Variants in ADH6 observed in about 807,000 individuals in gnomAD.
ADH6 encodes the protein alcohol dehydrogenase 6 (class V).
A neutral mutation model predicts 36.5 loss-of-function variants in ADH6; 34 were observed. The ratio of observed to expected loss-of-function variants is 0.93; its 90% CI spans 0.71 to 1.24. ADH6 has a LOEUF of 1.24. ADH6 is among the 50% of genes most tolerant of loss of function. The probability of loss-of-function intolerance (pLI) is 0.00; values close to 1 mark genes in which losing one functional copy is unlikely to be tolerated. For missense variants in ADH6, 440 were observed against 447.0 expected, an observed-to-expected ratio of 0.98 and a Z score of 0.14; for synonymous variants, 161 against 155.5, an observed-to-expected ratio of 1.04 and a Z score of -0.26.
intron 7 of ADH6, among the ~76,000 whole-genome samples, chr4:99,206,615 G>C (rs1213961124): frequency 6.7e-6 from 1 of 150,044 alleles, no homozygotes; most frequent in Non-Finnish European, 1.5e-5. Context: ...CTTTATAAAT[G>C]AATTAGGTAA....
At position 99,203,296 on chromosome 4, in the gene ADH6, C is replaced by T. The variant is rs1049789770; in HGVS notation, c.*923G>A. The T allele has an allele frequency of 6.6e-6, 1 of 151,742 alleles. No individual in the cohort carries two copies. Among genetic ancestry groups the T allele is most frequent in the Non-Finnish European group, 1.5e-5 (1 of 68,008 alleles). 9.4% of individuals were successfully genotyped at this position (151,742 alleles called of 1,614,324 possible). On this transcript the variant is annotated 3_prime_UTR_variant, in exon 9 of 9. Coordinates refer to ENST00000394899, the MANE Select transcript of ADH6 (RefSeq NM_001102470.2). ...AAGAGGAAGGGAAGGAAGTCATATC[C>T]CAAGAGGGCACTTAACCTTAGTCCT...
At chr4:99,214,446 T>C (rs1300055077) in intron 2 of ADH6, among the ~76,000 whole-genome samples, 1 of 152,174 alleles carries the variant, frequency 6.6e-6, no homozygotes, top group Admixed American at 6.5e-5. Context: ...GGAATAATGT[T>C]TCCTATTATA....
At chr4:99,210,699 C>A (rs1731194562) in intron 3 of ADH6, among the ~76,000 whole-genome samples, 197 bp from the exon 4 acceptor site, 1 of 152,156 alleles carries the variant, frequency 6.6e-6, no homozygotes, top group Non-Finnish European at 1.5e-5. Context: ...CTGGGCCCAG[C>A]CCTGGGCTCA....
chr4:99,216,135 A>ATTTTTTT (rs34008565), intron 2 of ADH6, 26 bp downstream of exon 2: 24 of 865,276 alleles, frequency 2.8e-5, no homozygotes, highest in East Asian at 1.4e-4. Context: ...TTTTGGTGTG[A>ATTTTTTT]TTTTTTTTTT....
intron 2 of ADH6, among the ~76,000 whole-genome samples, chr4:99,214,202 GCAAAATAGTGAGACCTC>G (rs1731322036): frequency 6.6e-6 from 1 of 152,144 alleles, no homozygotes; most frequent in South Asian, 2.1e-4. Flanking sequence ...ATCAGCCTGG[GCAAAATAGTGAGACCTC>G]CATCTCTACA....
chr4:99,209,267 C>T (rs994903727), intron 5 of ADH6, among the ~76,000 whole-genome samples: 4 of 152,100 alleles, frequency 2.6e-5, no homozygotes, highest in Admixed American at 2.6e-4. Context: ...TTAAAATTAT[C>T]TCTATCTTCC....
intron 5 of ADH6, among the ~76,000 whole-genome samples, chr4:99,209,824 T>C (rs1731160445): frequency 6.6e-6 from 1 of 152,160 alleles, no homozygotes; most frequent in South Asian, 2.1e-4. Flanking sequence ...ATGTTAGATT[T>C]AATTTCCAGT....
intron 7 of ADH6, among the ~76,000 whole-genome samples, chr4:99,206,846 C>A (rs1731053640): frequency 6.6e-6 from 1 of 151,988 alleles, no homozygotes; most frequent in Non-Finnish European, 1.5e-5. Flanking sequence ...AGTTTGTCTT[C>A]TACTTTTTCA....
In ADH6 at chr4:99,219,174, T is replaced by C; in HGVS notation, c.-22A>G. ...TCATGCTGATTTTCTCCACCGCAGA[T>C]GAATTTATTGAGAAAGGGAGATCCT... On this transcript the variant is annotated 5_prime_UTR_variant, in exon 1 of 9. Coordinates refer to ENST00000394899, the MANE Select transcript of ADH6 (RefSeq NM_001102470.2). 1 of 1,608,026 alleles carries C rather than the reference T, an allele frequency of 6.2e-7. No homozygotes were observed. Among genetic ancestry groups the C allele is most frequent in the Non-Finnish European group, 8.5e-7 (1 of 1,174,692 alleles).
intron 2 of ADH6, among the ~76,000 whole-genome samples, chr4:99,215,357 T>C (rs1273510564): frequency 1.3e-5 from 2 of 152,244 alleles, no homozygotes; most frequent in Non-Finnish European, 2.9e-5. Context: ...CAAAGGACTC[T>C]GAACTGCAAG....
At chr4:99,205,984 T>A (rs1325894396) in intron 7 of ADH6, among the ~76,000 whole-genome samples, 1 of 152,196 alleles carries the variant, frequency 6.6e-6, no homozygotes, top group Non-Finnish European at 1.5e-5. Context: ...TAACCAAGAA[T>A]ACTAATTACT....
intron 8 of ADH6, 94 bp from the exon 9 acceptor site, chr4:99,204,337 TAG>T: frequency 6.6e-7 from 1 of 1,524,412 alleles, no homozygotes; most frequent in Non-Finnish European, 8.7e-7. Flanking sequence ...AGCAGTAAAC[TAG>T]ATTTTTTTTC....
intron 1 of ADH6, among the ~76,000 whole-genome samples, chr4:99,218,772 T>G (rs1184378981): frequency 6.6e-6 from 1 of 152,224 alleles, no homozygotes; most frequent in African/African-American, 2.4e-5. Context: ...GAAGCCAAGC[T>G]GGGTTATGAG....
In ADH6 at chr4:99,202,647, G is replaced by GGAACCGA; in HGVS notation, c.*1565_*1571dup. 7.5e-6 allele frequency: 3 copies of GGAACCGA among 397,522 alleles called. No homozygotes were observed. The East Asian group carries it at 1.1e-4, about 14-fold the overall frequency. The allele number at this position is 397,522 out of a possible 1,614,324, so 24.6% of individuals were successfully genotyped here. A position where few individuals can be genotyped will look rare whatever the true frequency, so the allele number is the denominator to read the frequency against. On this transcript the variant is annotated 3_prime_UTR_variant, in exon 9 of 9. Coordinates refer to ENST00000394899, the MANE Select transcript of ADH6 (RefSeq NM_001102470.2). ...TAACAAGACATTCAAAGTGGCTTAAGGAACCGAGCTTTATTGGAGCAAAGA... is the reference window on the plus strand; with the variant it reads ...TAACAAGACATTCAAAGTGGCTTAAGGAACCGAGAACCGAGCTTTATTGGAGCAAAGA...
chr4:99,210,239 G>A lies in ADH6; in HGVS notation c.410C>T (p.Ser137Leu). 6.2e-7 allele frequency: 1 copy of A among 1,613,698 alleles called. No homozygotes were observed. Among genetic ancestry groups the A allele is most frequent in the Non-Finnish European group, 8.5e-7 (1 of 1,179,838 alleles). ...GTSRFTCKGK[S>L]IYHFGNTSTF... ...GCTGGTATTACCAAAGTGATATATTGATTTTCCCTTGCAGGTAAACCTGCT... is the reference window on the plus strand; with the variant it reads ...GCTGGTATTACCAAAGTGATATATTAATTTTCCCTTGCAGGTAAACCTGCT... The change falls in exon 5 of 9, where the codon TCA becomes TTA. Residue 137 changes from serine to leucine, a missense_variant. Transcript: ENST00000394899.
At chr4:99,206,450 A>G (rs1731037237) in intron 7 of ADH6, among the ~76,000 whole-genome samples, 1 of 152,138 alleles carries the variant, frequency 6.6e-6, no homozygotes, top group African/African-American at 2.4e-5. Context: ...TTGAATTAAC[A>G]TTATCATCTA....
Position 99,213,607 on chromosome 4 carries a change from T to C in ADH6, c.261A>G (p.Pro87=). ...SIGEGVSTVK[P]GDKVITLFLP... Reference sequence around the variant, plus strand: ...CTATTACCAGGTGCTAATTCCTACCTGGTTTCACTGTGCTTACTCCTTCTC... The same window carrying C: ...CTATTACCAGGTGCTAATTCCTACCCGGTTTCACTGTGCTTACTCCTTCTC... Residue 87 remains proline (P), a splice_region_variant and synonymous_variant, in exon 3 of 9, where the codon CCA becomes CCG. Transcript: ENST00000394899. The C allele has an allele frequency of 6.3e-7, 1 of 1,599,868 alleles. No individual in the cohort carries two copies. Among genetic ancestry groups the C allele is most frequent in the South Asian group, 1.1e-5 (1 of 88,308 alleles).
Position 99,210,164 on chromosome 4 carries a change from T to C in ADH6, c.485A>G (p.Asp162Gly). ...TACTTTCTCTAGAGGAGCGACTGCA[T>C]CAATCTTGGCAACTGAGATTTCCTT... Reference protein sequence around the residue: ...VIKEISVAKIDAVAPLEKVCL... With the variant: ...VIKEISVAKIGAVAPLEKVCL... The change falls in exon 5 of 9, where the codon GAT becomes GGT. Residue 162 changes from aspartate (D) to glycine (G), a missense_variant. Coordinates refer to ENST00000394899, the MANE Select transcript of ADH6 (RefSeq NM_001102470.2). 6.2e-7 allele frequency: 1 copy of C among 1,613,830 alleles called. No individual in the cohort carries two copies. Among genetic ancestry groups the C allele is most frequent in the Non-Finnish European group, 8.5e-7 (1 of 1,179,824 alleles).
chr4:99,208,068 A>T (rs937243966), intron 6 of ADH6, among the ~76,000 whole-genome samples: 2 of 152,262 alleles, frequency 1.3e-5, no homozygotes, highest in African/African-American at 4.8e-5. Context: ...AAAGGAATTT[A>T]TGTATGGTGA....
Sources: gnomAD v4.1 joint callset for allele counts (sites outside exome capture counted in the v4.1 genomes callset) on GRCh38, gnomAD v4.1.1 for gene constraint, MANE v1.5 for transcripts, NCBI Gene and HGNC (gene_info 2026-07-23, HGNC 2026-07-21) for gene names.